The following KIRREL1 variants were observed in gnomAD, a reference collection of about 807,000 sequenced individuals.
KIRREL1 encodes kin of IRRE-like protein 1.
KIRREL1 carries 25 observed loss-of-function variants against 83.3 expected under a neutral mutation model. That is an observed-to-expected ratio of 0.30 (90% CI 0.22 to 0.42). The LOEUF (loss-of-function observed/expected upper bound fraction) is 0.42. KIRREL1 is among the 10% of genes least tolerant of loss of function. KIRREL1 has a pLI of 1.00. For missense variants in KIRREL1, 812 were observed against 1,032.3 expected, an observed-to-expected ratio of 0.79 and a Z score of 2.92; for synonymous variants, 388 against 410.4, an observed-to-expected ratio of 0.95 and a Z score of 0.66.
In KIRREL1 at chr1:157,997,913, G is replaced by C. The variant is rs142892738; in HGVS notation, c.52+4185G>C. The stretch of plus-strand genomic sequence containing the variant: ...TATTTATTTTTTTAGATAGGGTCTT[G>C]CTCTGCTGCCCAGGCTAGGGTGCAG... On this transcript the variant is annotated intron_variant, in intron 1 of 14. Coordinates refer to ENST00000359209, the MANE Select transcript of KIRREL1 (RefSeq NM_018240.7). 2.6e-3 allele frequency among the ~76,000 whole-genome samples: 399 copies of C among 152,222 alleles called. 8 individuals carry two copies. The highest frequency in any genetic ancestry group is 3.4e-4 in the Non-Finnish European group (23 of 68,020).
At chr1:158,028,110 C>T (rs953865769) in intron 1 of KIRREL1, among the ~76,000 whole-genome samples, 4 of 152,212 alleles carry the variant, frequency 2.6e-5, no homozygotes, top group African/African-American at 9.6e-5. Context: ...CTCATTCCTG[C>T]CCCCAGGCTT....
At chr1:158,040,708 G>A (rs1241575395) in intron 1 of KIRREL1, among the ~76,000 whole-genome samples, 5 of 152,326 alleles carry the variant, frequency 3.3e-5, no homozygotes, top group African/African-American at 7.2e-5. Context: ...ATGGGAACAG[G>A]CATTTCCTTA....
rs1570940054 is a variant in KIRREL1 at position 158,039,733 on chromosome 1, A to G, written c.53-36380A>G. Among the ~76,000 whole-genome samples, 3 of 152,120 alleles carry G rather than the reference A, an allele frequency of 2.0e-5. No individual in the cohort carries two copies. The South Asian group carries it at 6.2e-4, about 32-fold the overall frequency. On this transcript the variant is annotated intron_variant, in intron 1 of 14. Coordinates refer to ENST00000359209, the MANE Select transcript of KIRREL1 (RefSeq NM_018240.7). The stretch of plus-strand genomic sequence containing the variant: ...CCTATCAGGCCTGTGATGTAAATAC[A>G]GTCTGGTCATGTATTGATTGTCTAT...
chr1:158,024,684 C>A (rs1035801677), intron 1 of KIRREL1, among the ~76,000 whole-genome samples: 25 of 152,112 alleles, frequency 1.6e-4, no homozygotes, highest in South Asian at 2.1e-4. Flanking sequence ...GAATGCCATA[C>A]CTGAAAACAT....
intron 1 of KIRREL1, among the ~76,000 whole-genome samples, chr1:158,010,370 A>G (rs1207397984): frequency 8.4e-5 from 9 of 106,874 alleles, no homozygotes; most frequent in Non-Finnish European, 1.7e-4. Context: ...CACCCCACAC[A>G]GTCCTGAGAA....
At chr1:158,085,903 A>G (rs1661999155) in intron 4 of KIRREL1, among the ~76,000 whole-genome samples, 2 of 152,168 alleles carry the variant, frequency 1.3e-5, no homozygotes, top group South Asian at 2.1e-4. Context: ...ACACGCACAC[A>G]TGGTGCCTAC....
chr1:158,034,290 A>AAAAAAAAAAAAAAG (rs1557997272), intron 1 of KIRREL1, among the ~76,000 whole-genome samples: 1 of 151,538 alleles, frequency 6.6e-6, no homozygotes, highest in African/African-American at 2.4e-5. Context: ...AAAAAAAGAA[A>AAAAAAAAAAAAAAG]AAAAGAAAAT....
intron 1 of KIRREL1, among the ~76,000 whole-genome samples, chr1:158,034,165 C>A (rs1379209460): frequency 2.0e-5 from 3 of 148,434 alleles, no homozygotes; most frequent in African/African-American, 7.5e-5. Context: ...CCCAGCTACT[C>A]AGGAGGCTGA....
At chr1:158,031,481 G>T (rs1660325649) in intron 1 of KIRREL1, among the ~76,000 whole-genome samples, 1 of 152,200 alleles carries the variant, frequency 6.6e-6, no homozygotes, top group African/African-American at 2.4e-5. Flanking sequence ...GGCCAAGTGG[G>T]ATGGAAGGAG....
chr1:158,077,378 ATGG>A (rs1277932224), intron 2 of KIRREL1, among the ~76,000 whole-genome samples: 1 of 152,112 alleles, frequency 6.6e-6, no homozygotes, highest in African/African-American at 2.4e-5. Context: ...GAAGGAGCTG[ATGG>A]TGGGAATGTG....
chr1:158,080,418 T>C (rs1305401620), intron 3 of KIRREL1, among the ~76,000 whole-genome samples: 2 of 152,148 alleles, frequency 1.3e-5, no homozygotes, highest in Admixed American at 1.3e-4. Flanking sequence ...GAACCCTAGA[T>C]GGAAGAGTGC....
In KIRREL1 at chr1:158,015,302, G is replaced by A. The variant is rs144281846; in HGVS notation, c.52+21574G>A. On this transcript the variant is annotated intron_variant, in intron 1 of 14. Coordinates refer to ENST00000359209, the MANE Select transcript of KIRREL1 (RefSeq NM_018240.7). Reference sequence around the variant, plus strand: ...AACTGGGGGCCAAAATAGCTAAGTAGGAAGAGTCCTGTTTTGCACCTGCAG... The same window carrying A: ...AACTGGGGGCCAAAATAGCTAAGTAAGAAGAGTCCTGTTTTGCACCTGCAG... Among the ~76,000 whole-genome samples, 822 of 152,238 alleles carry A rather than the reference G, an allele frequency of 5.4e-3. 10 individuals carry two copies. The highest frequency in any genetic ancestry group is 0.019 in the African/African-American group (783 of 41,520).
chr1:158,094,603 G>A lies in KIRREL1; in HGVS notation c.1798-41G>A, dbSNP rs984762175. ...ATGGTGAGACTTGATCCCCACCCAAGAGGGAACACTGCCTCCATCCTCTTC... is the reference window on the plus strand; with the variant it reads ...ATGGTGAGACTTGATCCCCACCCAAAAGGGAACACTGCCTCCATCCTCTTC... On this transcript the variant is annotated intron_variant, in intron 14 of 14. Transcript: ENST00000359209. This position sits in a 1 kb window ranked among gnomAD's most constrained non-coding sequence, Gnocchi z 4.6. 5 of 1,507,784 alleles carry A rather than the reference G, an allele frequency of 3.3e-6. No homozygotes were observed. The highest frequency in any genetic ancestry group is 4.5e-6 in the Non-Finnish European group (5 of 1,104,470). 93.4% of individuals were successfully genotyped at this position (1,507,784 alleles called of 1,614,324 possible).
At chr1:158,017,023 A>T (rs1009824075) in intron 1 of KIRREL1, among the ~76,000 whole-genome samples, 1 of 152,180 alleles carries the variant, frequency 6.6e-6, no homozygotes, top group African/African-American at 2.4e-5. Context: ...TCGCCATGAC[A>T]TCTCTGTTTT....
At chr1:158,068,110 G>A (rs1305777583) in intron 1 of KIRREL1, among the ~76,000 whole-genome samples, 3 of 152,178 alleles carry the variant, frequency 2.0e-5, no homozygotes, top group African/African-American at 7.2e-5. Flanking sequence ...AGGCGGTAAA[G>A]GTGGATTCAG....
intron 1 of KIRREL1, among the ~76,000 whole-genome samples, chr1:158,007,990 T>C (rs1394128858): frequency 6.6e-6 from 1 of 152,158 alleles, no homozygotes; most frequent in Non-Finnish European, 1.5e-5. Flanking sequence ...ATTGCTTGGC[T>C]CACCTCAGGT....
At chr1:158,010,412 C>CACACACACACATGCAT (rs2101635693) in intron 1 of KIRREL1, among the ~76,000 whole-genome samples, 1 of 128,800 alleles carries the variant, frequency 7.8e-6, no homozygotes, top group South Asian at 2.7e-4. Context: ...CACACACACA[C>CACACACACACATGCAT]ACACACACAC....
At chr1:158,040,753 C>T (rs553776715) in intron 1 of KIRREL1, among the ~76,000 whole-genome samples, 9 of 152,092 alleles carry the variant, frequency 5.9e-5, no homozygotes, top group Non-Finnish European at 8.8e-5. Context: ...CTGGTCTATT[C>T]AGAGGAGGAG....
chr1:158,089,537 G>C lies in KIRREL1; in HGVS notation c.1080G>C (p.Ser360=). 6.2e-7 allele frequency: 1 copy of C among 1,614,166 alleles called. No individual in the cohort carries two copies. Among genetic ancestry groups the C allele is most frequent in the Non-Finnish European group, 8.5e-7 (1 of 1,180,024 alleles). ...LSNSNQLLLK[S]VTQADAGTYT... ...ACAGCAACCAGCTGCTGCTGAAGTC[G>C]GTGACTCAGGCAGACGCTGGCACCT... The change falls in exon 9 of 15, where the codon TCG becomes TCC. Residue 360 remains serine, a synonymous_variant. Transcript: ENST00000359209.
Sources: allele counts gnomAD v4.1 joint callset (sites outside exome capture counted in the v4.1 genomes callset), GRCh38; gene constraint gnomAD v4.1.1; non-coding constraint Gnocchi (gnomAD v3.1); transcripts MANE v1.5; gene names NCBI Gene and HGNC (gene_info 2026-07-23, HGNC 2026-07-21).